NCAM2: variants seen among roughly 807,000 people sequenced by gnomAD.
NCAM2 encodes N-CAM-2.
NCAM2 carries 30 observed loss-of-function variants against 98.1 expected under a neutral mutation model. The ratio of observed to expected loss-of-function variants is 0.31; its 90% CI spans 0.23 to 0.41. NCAM2 has a LOEUF of 0.41. Among genes scored for constraint, NCAM2 ranks in the 10% least tolerant of loss-of-function variants. The pLI, the probability that NCAM2 is intolerant of heterozygous loss-of-function variation, is 1.00. For synonymous variants in NCAM2, 368 were observed against 342.4 expected (o/e 1.07, Z -0.83); for missense variants, 867 against 1,005.8 (o/e 0.86, Z 1.87).
At chr21:21,227,346 AAAG>A (rs2070428337) in intron 1 of NCAM2, among the ~76,000 whole-genome samples, 1 of 151,844 alleles carries the variant, frequency 6.6e-6, no homozygotes, top group African/African-American at 2.4e-5. Context: ...TAAAAACATA[AAAG>A]AAGATTATTT....
chr21:21,193,335 G>A (rs2068888879), intron 1 of NCAM2, among the ~76,000 whole-genome samples: 1 of 151,972 alleles, frequency 6.6e-6, no homozygotes, highest in African/African-American at 2.4e-5. Flanking sequence ...CATGCTGAGG[G>A]GAAGAAAAGA....
intron 16 of NCAM2, among the ~76,000 whole-genome samples, chr21:21,517,877 C>A (rs1359578250): frequency 1.3e-5 from 2 of 152,070 alleles, no homozygotes; most frequent in Non-Finnish European, 2.9e-5. Context: ...AAAACTTTAT[C>A]ACCTTGTAAG....
chr21:21,368,916 T>C (rs2075848844), intron 8 of NCAM2, among the ~76,000 whole-genome samples: 1 of 151,912 alleles, frequency 6.6e-6, no homozygotes, highest in African/African-American at 2.4e-5. Context: ...CATTTCCAAT[T>C]GTTCGTAAAA....
At chr21:21,184,351 A>T (rs185078479) in intron 1 of NCAM2, among the ~76,000 whole-genome samples, 1 of 152,124 alleles carries the variant, frequency 6.6e-6, no homozygotes, top group East Asian at 1.9e-4. Context: ...TCTTTTTATG[A>T]TATCTTCAAA....
intron 1 of NCAM2, among the ~76,000 whole-genome samples, chr21:21,148,535 T>C (rs951252903): frequency 2.6e-5 from 4 of 152,206 alleles, no homozygotes; most frequent in Non-Finnish European, 5.9e-5. Flanking sequence ...TGTGCAGATA[T>C]ACAGTGTTCA....
At chr21:21,493,643 C>G (rs1987003874) in intron 15 of NCAM2, among the ~76,000 whole-genome samples, 1 of 151,880 alleles carries the variant, frequency 6.6e-6, no homozygotes, top group Non-Finnish European at 1.5e-5. Context: ...CCTGTATCCA[C>G]CATTTTGGTA....
chr21:21,255,085 A>G (rs1354878154), intron 1 of NCAM2, among the ~76,000 whole-genome samples: 1 of 152,156 alleles, frequency 6.6e-6, no homozygotes, highest in African/African-American at 2.4e-5. Flanking sequence ...CTATCAGAAT[A>G]ATATTAACAA....
intron 6 of NCAM2, among the ~76,000 whole-genome samples, chr21:21,332,392 G>T (rs2074740329): frequency 6.6e-6 from 1 of 152,114 alleles, no homozygotes; most frequent in Non-Finnish European, 1.5e-5. Flanking sequence ...GGGTTAATCT[G>T]GTTCCATTAC....
intron 1 of NCAM2, among the ~76,000 whole-genome samples, chr21:21,267,691 G>A (rs1234388312): frequency 6.6e-6 from 1 of 152,028 alleles, no homozygotes; most frequent in African/African-American, 2.4e-5. Context: ...TTGTCTTTGC[G>A]AGCTCCTCTA....
In NCAM2 at chr21:21,303,151, A is replaced by G. The variant is rs1601917304; in HGVS notation, c.619+10910A>G. 2.6e-5 allele frequency among the ~76,000 whole-genome samples: 4 copies of G among 151,956 alleles called. No individual in the cohort carries two copies. In the South Asian group the frequency reaches 8.3e-4, roughly 32 times the overall value. On this transcript the variant is annotated intron_variant, in intron 5 of 17. Transcript: ENST00000400546. ...GCTGAAGAACGACCTTTTGGGTACT[A>G]TGCAAACTGCTTGGGTGTAATGTGC...
chr21:21,126,819 T>C (rs1009209496), intron 1 of NCAM2, among the ~76,000 whole-genome samples: 5 of 152,054 alleles, frequency 3.3e-5, no homozygotes, highest in African/African-American at 1.2e-4. Flanking sequence ...GTTATACTTC[T>C]GAAACTGTCA....
At chr21:21,003,024 G>C (rs1012009564) in intron 1 of NCAM2, among the ~76,000 whole-genome samples, 2 of 151,978 alleles carry the variant, frequency 1.3e-5, no homozygotes, top group Admixed American at 1.3e-4. Flanking sequence ...ATCTCTAATT[G>C]TTCAACAAAT....
chr21:21,293,574 G>A (rs967369029), intron 5 of NCAM2, among the ~76,000 whole-genome samples: 1 of 151,714 alleles, frequency 6.6e-6, no homozygotes, highest in Non-Finnish European at 1.5e-5. Context: ...ATTTATTAAG[G>A]GTGCCATAAT....
intron 4 of NCAM2, among the ~76,000 whole-genome samples, chr21:21,288,954 G>A (rs1361323544): frequency 6.6e-6 from 1 of 151,834 alleles, no homozygotes; most frequent in Non-Finnish European, 1.5e-5. Context: ...GTTGCTCATA[G>A]AAAGGAGATC....
intron 1 of NCAM2, among the ~76,000 whole-genome samples, chr21:21,217,414 T>G (rs1168628005): frequency 2.0e-5 from 3 of 152,166 alleles, no homozygotes; most frequent in African/African-American, 7.2e-5. Context: ...TAATTAATAT[T>G]TGGGTATACA....
intron 4 of NCAM2, among the ~76,000 whole-genome samples, chr21:21,290,438 T>C (rs1407800969): frequency 6.6e-6 from 1 of 151,910 alleles, no homozygotes; most frequent in Non-Finnish European, 1.5e-5. Context: ...ACTTATGAGT[T>C]ATCTTCTAAC....
At chr21:21,022,916 G>C (rs2064466359) in intron 1 of NCAM2, among the ~76,000 whole-genome samples, 1 of 152,088 alleles carries the variant, frequency 6.6e-6, no homozygotes, top group African/African-American at 2.4e-5. Context: ...ATAAAAGTTA[G>C]AGTAGAAGAA....
intron 12 of NCAM2, among the ~76,000 whole-genome samples, chr21:21,449,147 G>A (rs1003117828): frequency 6.6e-6 from 1 of 151,854 alleles, no homozygotes; most frequent in Non-Finnish European, 1.5e-5. Flanking sequence ...ATGTTAAGGA[G>A]AACTTCTATG....
chr21:21,452,639 T>C (rs1418540196), intron 12 of NCAM2, among the ~76,000 whole-genome samples: 1 of 111,900 alleles, frequency 8.9e-6, no homozygotes, highest in Non-Finnish European at 1.7e-5. Flanking sequence ...ATATTATATA[T>C]TATATATAAA....
Sources: gnomAD v4.1 joint callset for allele counts (sites outside exome capture counted in the v4.1 genomes callset) on GRCh38, gnomAD v4.1.1 for gene constraint, MANE v1.5 for transcripts, NCBI Gene and HGNC (gene_info 2026-07-23, HGNC 2026-07-21) for gene names.